The following PDE8B variants were observed in gnomAD, a reference collection of about 807,000 sequenced individuals.
PDE8B encodes phosphodiesterase 8B.
PDE8B carries 26 observed loss-of-function variants against 101.3 expected under a neutral mutation model. That is an observed-to-expected ratio of 0.26 (90% CI 0.19 to 0.36). PDE8B has a LOEUF of 0.36. Among genes scored for constraint, PDE8B ranks in the 10% least tolerant of loss-of-function variants. The pLI is 1.00. For missense variants in PDE8B, 810 were observed against 1,163.1 expected (o/e 0.70, Z 4.42); for synonymous variants, 424 against 429.3 (o/e 0.99, Z 0.15).
intron 1 of PDE8B, among the ~76,000 whole-genome samples, chr5:77,308,989 G>C (rs1187714093): frequency 6.6e-6 from 1 of 151,964 alleles, no homozygotes; most frequent in Non-Finnish European, 1.5e-5. Context: ...AACCACCCTG[G>C]CCAACATGGC....
At chr5:77,095,093 T>A in the PDE8B span, among the ~76,000 whole-genome samples, 2 of 152,192 alleles carry the variant, frequency 1.3e-5, no homozygotes, top group African/African-American at 4.8e-5. Flanking sequence ...AAAATTGCCC[T>A]TGTTTGATGA....
At chr5:77,258,220 C>T (rs970781858) in intron 1 of PDE8B, among the ~76,000 whole-genome samples, 1 of 137,008 alleles carries the variant, frequency 7.3e-6, no homozygotes, top group Admixed American at 8.4e-5. Context: ...ACTGGGGAGG[C>T]GGAGGTTGTA....
At chr5:77,385,144 T>C (rs143151552) in intron 10 of PDE8B, among the ~76,000 whole-genome samples, 12,006 of 152,280 alleles carry the variant, frequency 0.079, 651 homozygotes, top group Non-Finnish European at 0.11. Flanking sequence ...ACTGCCTCAA[T>C]TTCAGGACTT....
At chr5:77,118,641 G>A in the PDE8B span, 1 of 369,388 alleles carries the variant, frequency 2.7e-6, no homozygotes, top group South Asian at 1.5e-4. Flanking sequence ...AATGACAATA[G>A]GGAGTTAAAT....
chr5:77,112,850 A>G, the PDE8B span: 4 of 152,208 alleles, frequency 2.6e-5, no homozygotes, highest in Admixed American at 2.6e-4. Context: ...TGCAAAAATC[A>G]CAAGCATTCC....
chr5:77,108,821 A>C, the PDE8B span, among the ~76,000 whole-genome samples: 1 of 152,168 alleles, frequency 6.6e-6, no homozygotes, highest in African/African-American at 2.4e-5. Context: ...ACAAAAGATA[A>C]TTTTTGTTGT....
chr5:77,254,594 T>C (rs1758729555), intron 1 of PDE8B, among the ~76,000 whole-genome samples: 1 of 151,226 alleles, frequency 6.6e-6, no homozygotes, highest in Admixed American at 6.6e-5. Context: ...TTGTTTTGTC[T>C]TTTTTTTTCA....
At chr5:77,249,097 C>G (rs1277970079) in intron 1 of PDE8B, among the ~76,000 whole-genome samples, 1 of 152,166 alleles carries the variant, frequency 6.6e-6, no homozygotes, top group Non-Finnish European at 1.5e-5. Context: ...TGTAGTTTCC[C>G]AGGATTAATC....
At chr5:77,095,492 G>A in the PDE8B span, among the ~76,000 whole-genome samples, 3 of 152,118 alleles carry the variant, frequency 2.0e-5, no homozygotes, top group Admixed American at 6.6e-5. Flanking sequence ...CAGTGGTTTC[G>A]GCACCCATTG....
At chr5:77,321,215 T>C (rs1775004138) in intron 2 of PDE8B, among the ~76,000 whole-genome samples, 1 of 145,162 alleles carries the variant, frequency 6.9e-6, no homozygotes, top group Non-Finnish European at 1.5e-5. Context: ...AATGGCACGA[T>C]CTCAGCTCAC....
upstream of PDE8B, among the ~76,000 whole-genome samples, chr5:77,209,970 T>A (rs1747894517): frequency 6.6e-6 from 1 of 152,158 alleles, no homozygotes; most frequent in African/African-American, 2.4e-5. Context: ...TGGGTCACCA[T>A]CCAACTCAGC....
chr5:77,122,781 C>A, the PDE8B span, among the ~76,000 whole-genome samples: 1 of 152,118 alleles, frequency 6.6e-6, no homozygotes, highest in Admixed American at 6.5e-5. Flanking sequence ...GTAAGCCAGC[C>A]TGCAATTACA....
At chr5:77,406,583 C>T (rs1188849940) in intron 12 of PDE8B, among the ~76,000 whole-genome samples, 1 of 152,174 alleles carries the variant, frequency 6.6e-6, no homozygotes. Context: ...GCAATGGCTG[C>T]TGCACTAGCA....
At chr5:77,289,907 G>A (rs1174182130) in intron 1 of PDE8B, among the ~76,000 whole-genome samples, 2 of 152,172 alleles carry the variant, frequency 1.3e-5, no homozygotes, top group African/African-American at 4.8e-5. Context: ...AAGCTAAAGA[G>A]CTTATGCTGT....
intron 1 of PDE8B, among the ~76,000 whole-genome samples, chr5:77,234,153 C>T (rs1754206410): frequency 6.6e-6 from 1 of 152,138 alleles, no homozygotes; most frequent in African/African-American, 2.4e-5. Context: ...GACTTATTTC[C>T]TATTCCTTTG....
At chr5:77,343,873 C>CTTTTTTTT (rs34017471) in intron 6 of PDE8B, among the ~76,000 whole-genome samples, 14 of 126,450 alleles carry the variant, frequency 1.1e-4, no homozygotes, top group African/African-American at 1.5e-4. Context: ...ATTTTTAAAT[C>CTTTTTTTT]TTTTTTTTTT....
chr5:77,090,546 T>C, the PDE8B span, among the ~76,000 whole-genome samples: 2 of 152,240 alleles, frequency 1.3e-5, no homozygotes, highest in Non-Finnish European at 2.9e-5. Flanking sequence ...GTGCTGGGAT[T>C]ACAGGCGTGA....
the PDE8B span, among the ~76,000 whole-genome samples, chr5:77,168,459 C>CT: frequency 2.0e-5 from 3 of 152,212 alleles, no homozygotes; most frequent in African/African-American, 7.2e-5. Context: ...CCAGAACTGC[C>CT]TGTGCAGGGG....
the PDE8B span, among the ~76,000 whole-genome samples, chr5:77,201,818 T>C: frequency 2.6e-5 from 4 of 152,136 alleles, no homozygotes; most frequent in Non-Finnish European, 2.9e-5. Context: ...GCCGCCATAA[T>C]AAAATAGCAC....
Sources: allele counts gnomAD v4.1 joint callset (sites outside exome capture counted in the v4.1 genomes callset), GRCh38; gene constraint gnomAD v4.1.1; transcripts MANE v1.5; gene names NCBI Gene and HGNC (gene_info 2026-07-23, HGNC 2026-07-21).